The following ERG variants were observed in gnomAD, a reference collection of about 807,000 sequenced individuals.
ERG encodes the protein transcriptional regulator ERG.
A neutral mutation model predicts 55.3 loss-of-function variants in ERG; 9 were observed. That is an observed-to-expected ratio of 0.16 (90% CI 0.10 to 0.28). ERG has a LOEUF of 0.28. ERG is among the 10% of genes least tolerant of loss of function. ERG has a pLI of 1.00. For synonymous variants in ERG, 223 were observed against 237.3 expected (o/e 0.94, Z 0.55); for missense variants, 434 against 631.6 (o/e 0.69, Z 3.35).
chr21:38,496,377 T>C (rs531039850), intron 1 of ERG, among the ~76,000 whole-genome samples: 1 of 152,366 alleles, frequency 6.6e-6, no homozygotes, highest in South Asian at 2.1e-4. Flanking sequence ...TCATTTTCCC[T>C]ATGCTAACTT....
chr21:38,564,008 T>C (rs1428216583), intron 2 of ERG, among the ~76,000 whole-genome samples: 1 of 152,222 alleles, frequency 6.6e-6, no homozygotes, highest in Non-Finnish European at 1.5e-5. Context: ...GATTGGTTTA[T>C]GCCCCTTTCC....
rs960851409 is a variant in ERG at position 38,460,571 on chromosome 21, T to C, written c.19-14950A>G. 1.3e-5 allele frequency among the ~76,000 whole-genome samples: 2 copies of C among 152,200 alleles called. No individual in the cohort carries two copies. Among genetic ancestry groups the C allele is most frequent in the Admixed American group, 6.5e-5 (1 of 15,278 alleles). On this transcript the variant is annotated intron_variant, in intron 1 of 9. Transcript: ENST00000288319. The surrounding 1 kb of genome is among the most constrained non-coding windows in gnomAD (Gnocchi z 5.0). Reference sequence around the variant, plus strand: ...ACGGGAACTTCCATTCATCATCACATGCAGAAACTCTGGGAACTGAGAATC... The same window carrying C: ...ACGGGAACTTCCATTCATCATCACACGCAGAAACTCTGGGAACTGAGAATC...
intron 1 of ERG, among the ~76,000 whole-genome samples, chr21:38,654,377 C>G (rs1323277035): frequency 1.3e-5 from 2 of 152,220 alleles, no homozygotes; most frequent in East Asian, 1.9e-4. Context: ...GAGGCTGAGG[C>G]AGGAGAATCA....
intron 2 of ERG, among the ~76,000 whole-genome samples, chr21:38,427,219 C>T (rs981780041): frequency 6.6e-5 from 10 of 152,054 alleles, no homozygotes; most frequent in Admixed American, 2.0e-4. Context: ...GCATTACAGG[C>T]GCCTGCCACC....
intron 1 of ERG, among the ~76,000 whole-genome samples, chr21:38,605,979 G>T (rs2060194539): frequency 6.6e-6 from 1 of 152,112 alleles, no homozygotes; most frequent in African/African-American, 2.4e-5. Flanking sequence ...AGATAGGTAG[G>T]TAGGTACTAG....
At chr21:38,643,649 A>G (rs2060438795) in intron 1 of ERG, among the ~76,000 whole-genome samples, 2 of 152,152 alleles carry the variant, frequency 1.3e-5, no homozygotes, top group African/African-American at 2.4e-5. Flanking sequence ...AACACTCACA[A>G]GCTGCAAAGA....
chr21:38,434,127 G>A (rs540888258), intron 2 of ERG, among the ~76,000 whole-genome samples: 34 of 152,234 alleles, frequency 2.2e-4, no homozygotes, highest in African/African-American at 7.7e-4. Context: ...TCTGGCTCTG[G>A]AGCCCCTCAA....
chr21:38,510,065 T>C (rs1336490302), intron 2 of ERG, among the ~76,000 whole-genome samples: 1 of 152,216 alleles, frequency 6.6e-6, no homozygotes, highest in Non-Finnish European at 1.5e-5. Context: ...AGAGTGTGTC[T>C]CCGTTTCTGG....
chr21:38,541,489 C>G (rs1194518407), intron 2 of ERG, among the ~76,000 whole-genome samples: 5 of 152,146 alleles, frequency 3.3e-5, no homozygotes, highest in Non-Finnish European at 7.3e-5. Flanking sequence ...GCCACTTGCT[C>G]AAGTGTAAAA....
At chr21:38,649,495 TTG>T (rs554924219) in intron 1 of ERG, among the ~76,000 whole-genome samples, 243 of 152,342 alleles carry the variant, frequency 1.6e-3, no homozygotes, top group African/African-American at 5.6e-3. Flanking sequence ...CTCGTATTCA[TTG>T]TGTGTTTAGA....
At chr21:38,418,581 T>A (rs1000484329) in intron 3 of ERG, among the ~76,000 whole-genome samples, 1 of 151,944 alleles carries the variant, frequency 6.6e-6, no homozygotes, top group Non-Finnish European at 1.5e-5. Flanking sequence ...GTATTTTTAA[T>A]CATAAATTTT....
At chr21:38,573,625 T>TTTG (rs2059976074) in intron 2 of ERG, among the ~76,000 whole-genome samples, 3 of 152,206 alleles carry the variant, frequency 2.0e-5, no homozygotes, top group Non-Finnish European at 2.9e-5. Context: ...TCACATGTTT[T>TTTG]TTGCTGACCT....
At position 38,403,538 on chromosome 21, in the gene ERG, A is replaced by T; in HGVS notation, c.560T>A (p.Ile187Asn). Residue 187 changes from isoleucine to asparagine, a missense_variant, in exon 4 of 10, where the codon ATC becomes AAC. By Grantham distance (149) the Ile-to-Asn change is moderately radical. Transcript: ENST00000288319. ...QRLTPSYNADILLSHLHYLRE... is the reference protein window; with the variant it reads ...QRLTPSYNADNLLSHLHYLRE... ...GAGGTAGTGGAGATGTGAGAGAAGGATGTCGGCGTTGTAGCTGGGGGTGAG... is the reference window on the plus strand; with the variant it reads ...GAGGTAGTGGAGATGTGAGAGAAGGTTGTCGGCGTTGTAGCTGGGGGTGAG... 6.2e-7 allele frequency: 1 copy of T among 1,614,170 alleles called. No individual in the cohort carries two copies. The highest frequency in any genetic ancestry group is 8.5e-7 in the Non-Finnish European group (1 of 1,180,024).
At chr21:38,424,324 TC>T (rs1989717579) in intron 2 of ERG, among the ~76,000 whole-genome samples, 1 of 151,960 alleles carries the variant, frequency 6.6e-6, no homozygotes, top group South Asian at 2.1e-4. Context: ...ATTTTAGACT[TC>T]CAACCTCCAG....
intron 1 of ERG, among the ~76,000 whole-genome samples, chr21:38,456,653 T>G (rs2058992429): frequency 6.6e-6 from 1 of 152,214 alleles, no homozygotes; most frequent in Non-Finnish European, 1.5e-5. Flanking sequence ...CACAGACGTT[T>G]TCTTTTTCTT....
At chr21:38,594,538 C>T (rs2060119977) in intron 1 of ERG, among the ~76,000 whole-genome samples, 2 of 152,108 alleles carry the variant, frequency 1.3e-5, no homozygotes, top group South Asian at 4.1e-4. Context: ...GTCTCTCACT[C>T]CCAAAGAGCC....
chr21:38,590,247 G>C (rs1839222414), intron 1 of ERG, among the ~76,000 whole-genome samples: 2 of 152,198 alleles, frequency 1.3e-5, no homozygotes, highest in African/African-American at 2.4e-5. Flanking sequence ...GCATAATGTG[G>C]TGAGGGTCAC....
intron 1 of ERG, among the ~76,000 whole-genome samples, chr21:38,621,412 G>A (rs1201323761): frequency 6.6e-6 from 1 of 152,170 alleles, no homozygotes; most frequent in Non-Finnish European, 1.5e-5. Flanking sequence ...GTGGCAACTT[G>A]AAGAGGAATC....
At chr21:38,560,447 CG>C (rs1025587026) in intron 2 of ERG, among the ~76,000 whole-genome samples, 6 of 152,154 alleles carry the variant, frequency 3.9e-5, no homozygotes, top group African/African-American at 7.2e-5. Context: ...CTGCCCAACC[CG>C]GGGCCCCTCC....
Sources: allele counts gnomAD v4.1 joint callset (sites outside exome capture counted in the v4.1 genomes callset), GRCh38; gene constraint gnomAD v4.1.1; non-coding constraint Gnocchi (gnomAD v3.1); transcripts MANE v1.5; gene names NCBI Gene and HGNC (gene_info 2026-07-23, HGNC 2026-07-21).